Variants in STIM1 observed in about 807,000 individuals in gnomAD.
STIM1 encodes stromal interaction molecule 1.
A neutral mutation model predicts 74.7 loss-of-function variants in STIM1; 25 were observed. The observed-to-expected ratio is 0.33, with a 90% CI of 0.24 to 0.47. The LOEUF (loss-of-function observed/expected upper bound fraction) is 0.47. STIM1 is among the 20% of genes least tolerant of loss of function. The probability of loss-of-function intolerance (pLI) is 1.00; values close to 1 mark genes in which losing one functional copy is unlikely to be tolerated. For missense variants in STIM1, 728 were observed against 920.8 expected, an observed-to-expected ratio of 0.79 and a Z score of 2.71; for synonymous variants, 328 against 348.8, an observed-to-expected ratio of 0.94 and a Z score of 0.66.
chr11:4,074,907 G>A (rs1246808800), intron 7 of STIM1, among the ~76,000 whole-genome samples: 1 of 152,202 alleles, frequency 6.6e-6, no homozygotes, highest in Non-Finnish European at 1.5e-5. Context: ...GGGAGGCCAA[G>A]GCAGGTGGAT....
intron 1 of STIM1, among the ~76,000 whole-genome samples, chr11:3,903,200 G>T (rs1455809306): frequency 6.6e-6 from 1 of 152,168 alleles, no homozygotes; most frequent in Non-Finnish European, 1.5e-5. Context: ...AACTCACATG[G>T]CTAATAAGTG....
chr11:3,979,148 A>C (rs915046952), intron 2 of STIM1, among the ~76,000 whole-genome samples: 3 of 152,120 alleles, frequency 2.0e-5, no homozygotes, highest in Non-Finnish European at 4.4e-5. Flanking sequence ...AATTAGATGA[A>C]GATTAAGTAG....
chr11:3,998,942 T>A (rs183091658), intron 2 of STIM1, among the ~76,000 whole-genome samples: 58 of 152,320 alleles, frequency 3.8e-4, no homozygotes, highest in African/African-American at 1.3e-3. Flanking sequence ...ATTTTAGACT[T>A]TGATAGCCAT....
chr11:4,048,610 A>G (rs983375243), intron 3 of STIM1, among the ~76,000 whole-genome samples: 2 of 152,122 alleles, frequency 1.3e-5, no homozygotes, highest in African/African-American at 2.4e-5. Flanking sequence ...GGCTGGAACT[A>G]TTCCTTGTGT....
At chr11:3,940,712 A>T (rs796768046) in intron 1 of STIM1, among the ~76,000 whole-genome samples, 14 of 152,314 alleles carry the variant, frequency 9.2e-5, no homozygotes, top group African/African-American at 3.4e-4. Flanking sequence ...TTGGAGAAAG[A>T]GAAAAGGGGG....
At chr11:4,031,109 A>G (rs1445788215) in intron 3 of STIM1, among the ~76,000 whole-genome samples, 1 of 152,162 alleles carries the variant, frequency 6.6e-6, no homozygotes, top group Non-Finnish European at 1.5e-5. Flanking sequence ...ATTAGTTTGC[A>G]TTTGCTACAG....
intron 1 of STIM1, among the ~76,000 whole-genome samples, chr11:3,928,092 A>G (rs539072132): frequency 1.4e-4 from 22 of 152,188 alleles, no homozygotes; most frequent in Non-Finnish European, 2.5e-4. Context: ...TGTGGAATGA[A>G]AGAATGATGG....
At chr11:3,948,927 AG>A in intron 1 of STIM1, among the ~76,000 whole-genome samples, 1 of 152,376 alleles carries the variant, frequency 6.6e-6, no homozygotes, top group Non-Finnish European at 1.5e-5. Context: ...TGTACTAGTT[AG>A]ACAATTACAA....
At chr11:4,066,597 C>T (rs1158742501) in intron 5 of STIM1, among the ~76,000 whole-genome samples, 1 of 152,026 alleles carries the variant, frequency 6.6e-6, no homozygotes, top group Non-Finnish European at 1.5e-5. Context: ...CCTGTAATTC[C>T]ACTTTGGGAG....
Position 3,933,848 on chromosome 11 carries a change from A to T in STIM1, c.140-33704A>T, listed in dbSNP as rs139389217. ...CACAGCATTCTCAGGAAGACGGAAG[A>T]TGGGGATGGCTCATTAGAAATGAGT... On this transcript the variant is annotated intron_variant, in intron 1 of 12. Transcript: ENST00000526596. 7.4e-3 allele frequency among the ~76,000 whole-genome samples: 1,134 copies of T among 152,294 alleles called. 50 individuals are homozygous for T. The highest frequency in any genetic ancestry group is 0.067 in the Admixed American group (1,028 of 15,286).
chr11:3,945,559 A>G (rs1011755053), intron 1 of STIM1, among the ~76,000 whole-genome samples: 7 of 152,284 alleles, frequency 4.6e-5, no homozygotes, highest in Non-Finnish European at 1.0e-4. Flanking sequence ...AGATTGCACC[A>G]CTGCACTCCA....
At chr11:3,978,437 C>G (rs1332302249) in intron 2 of STIM1, among the ~76,000 whole-genome samples, 2 of 150,454 alleles carry the variant, frequency 1.3e-5, no homozygotes, top group Non-Finnish European at 3.0e-5. Context: ...TGTGAGCCAC[C>G]ACGCCCGGCG....
intron 4 of STIM1, 32 bp from the exon 5 acceptor site, chr11:4,059,249 G>A (rs1222015370): frequency 1.9e-6 from 3 of 1,580,556 alleles, no homozygotes; most frequent in Non-Finnish European, 2.6e-6. Flanking sequence ...TTTACTGGGA[G>A]GGAACTGATC....
intron 12 of STIM1, chr11:4,086,905 T>G: frequency 6.6e-7 from 1 of 1,505,062 alleles, no homozygotes; most frequent in Non-Finnish European, 8.9e-7. Context: ...CTTCCCTTTC[T>G]GCTGCTTTTA....
At chr11:4,018,506 G>C (rs1023715986) in intron 2 of STIM1, among the ~76,000 whole-genome samples, 21 of 149,248 alleles carry the variant, frequency 1.4e-4, no homozygotes, top group Non-Finnish European at 2.7e-4. Context: ...TTAGCCAGGA[G>C]TGGTGGTGCA....
chr11:4,075,541 A>G (rs573343256), intron 7 of STIM1, among the ~76,000 whole-genome samples: 3 of 152,362 alleles, frequency 2.0e-5, no homozygotes, highest in East Asian at 3.9e-4. Context: ...GAGAGTCATC[A>G]AAGTTGCATG....
chr11:4,051,466 C>A (rs904962684), intron 3 of STIM1, among the ~76,000 whole-genome samples: 4 of 151,776 alleles, frequency 2.6e-5, no homozygotes, highest in Non-Finnish European at 4.4e-5. Flanking sequence ...CCTCAGCCTC[C>A]CGAGTAGCTG....
chr11:4,089,954 C>A (rs1403064432), intron 12 of STIM1, among the ~76,000 whole-genome samples: 1 of 152,134 alleles, frequency 6.6e-6, no homozygotes, highest in Non-Finnish European at 1.5e-5. Context: ...CCATATCTAC[C>A]TTTTTGTCTG....
At chr11:3,972,873 A>G (rs2093409895) in intron 2 of STIM1, 2 of 489,146 alleles carry the variant, frequency 4.1e-6, no homozygotes, top group African/African-American at 3.9e-5. Context: ...TTTGGCCAGT[A>G]TAGAATCCAG....
Sources: allele counts gnomAD v4.1 joint callset (sites outside exome capture counted in the v4.1 genomes callset), GRCh38; gene constraint gnomAD v4.1.1; transcripts MANE v1.5; gene names NCBI Gene and HGNC (gene_info 2026-07-23, HGNC 2026-07-21).